STX8: variants seen among roughly 807,000 people sequenced by gnomAD.
STX8 encodes syntaxin 8.
Under a neutral mutation model 37.5 loss-of-function variants are expected in STX8, and 23 were observed. That is an observed-to-expected ratio of 0.61 (90% CI 0.44 to 0.87). The LOEUF is 0.87. Ranked by LOEUF, STX8 falls within the 40% of genes least tolerant of loss-of-function variation. STX8 has a pLI of 0.00. For missense variants in STX8, 313 were observed against 284.7 expected, an observed-to-expected ratio of 1.10 and a Z score of -0.71; for synonymous variants, 115 against 99.1, an observed-to-expected ratio of 1.16 and a Z score of -0.95.
intron 7 of STX8, among the ~76,000 whole-genome samples, chr17:9,297,763 C>G (rs930409211): frequency 6.6e-6 from 1 of 152,094 alleles, no homozygotes; most frequent in Non-Finnish European, 1.5e-5. Context: ...GTAGTCCCAG[C>G]TGCCTGGGAG....
chr17:9,425,479 A>C (rs1203181818), intron 6 of STX8, among the ~76,000 whole-genome samples: 1 of 152,206 alleles, frequency 6.6e-6, no homozygotes, highest in African/African-American at 2.4e-5. Context: ...ACCTGAAGCA[A>C]GGTGGGGGCA....
chr17:9,400,003 T>C (rs562538095), intron 6 of STX8, among the ~76,000 whole-genome samples: 2 of 152,246 alleles, frequency 1.3e-5, no homozygotes, highest in East Asian at 3.9e-4. Context: ...GCCAAATTTA[T>C]GATCCAGTTG....
intron 7 of STX8, among the ~76,000 whole-genome samples, chr17:9,333,804 G>A (rs1039467693): frequency 1.3e-5 from 2 of 152,160 alleles, no homozygotes; most frequent in African/African-American, 4.8e-5. Flanking sequence ...GGAAGACATA[G>A]AAATTTTTCA....
At chr17:9,345,341 G>A (rs1489361865) in intron 7 of STX8, among the ~76,000 whole-genome samples, 1 of 151,960 alleles carries the variant, frequency 6.6e-6, no homozygotes, top group Non-Finnish European at 1.5e-5. Flanking sequence ...TTAGAGACAG[G>A]GTTTCACCAC....
intron 6 of STX8, among the ~76,000 whole-genome samples, chr17:9,417,182 A>G (rs1913231382): frequency 1.3e-5 from 2 of 152,182 alleles, no homozygotes; most frequent in Admixed American, 1.3e-4. Context: ...CTGCTTGGTT[A>G]GCTCTGCATT....
intron 5 of STX8, among the ~76,000 whole-genome samples, chr17:9,501,070 C>T (rs7218867): frequency 0.71 from 108,021 of 151,534 alleles, 38,735 homozygotes; most frequent in Middle Eastern, 0.85. Flanking sequence ...ATATAAGACA[C>T]GTATAGCAAA....
intron 7 of STX8, among the ~76,000 whole-genome samples, chr17:9,301,723 T>C (rs866055824): frequency 6.6e-6 from 1 of 151,818 alleles, no homozygotes; most frequent in South Asian, 2.1e-4. Context: ...TGATCTGACC[T>C]CGTGATCCGT....
intron 7 of STX8, among the ~76,000 whole-genome samples, chr17:9,288,477 C>T (rs1169510432): frequency 2.0e-5 from 3 of 151,468 alleles, no homozygotes; most frequent in Admixed American, 6.6e-5. Flanking sequence ...CTGGCTAACG[C>T]GGTGAAACCC....
At chr17:9,503,911 C>T (rs7215611) in intron 5 of STX8, among the ~76,000 whole-genome samples, 107,638 of 151,372 alleles carry the variant, frequency 0.71, 38,495 homozygotes, top group Middle Eastern at 0.85. Flanking sequence ...ACTACAGGTG[C>T]GTGCCACCAC....
chr17:9,465,514 T>C (rs1905571545), intron 6 of STX8, among the ~76,000 whole-genome samples: 1 of 152,146 alleles, frequency 6.6e-6, no homozygotes. Context: ...AGGGATGAAT[T>C]GTGCGTGGTG....
chr17:9,499,468 G>A (rs563266256), intron 5 of STX8, among the ~76,000 whole-genome samples: 3 of 152,066 alleles, frequency 2.0e-5, no homozygotes, highest in Admixed American at 6.6e-5. Flanking sequence ...GCACAATCTC[G>A]GCTCACTGCA....
At chr17:9,280,961 T>C (rs1042147883) in intron 7 of STX8, among the ~76,000 whole-genome samples, 4 of 152,216 alleles carry the variant, frequency 2.6e-5, no homozygotes, top group Non-Finnish European at 5.9e-5. Context: ...TGTGTGTCTA[T>C]GTGTGTGGGC....
chr17:9,343,849 GA>G (rs1910450163), intron 7 of STX8, among the ~76,000 whole-genome samples: 1 of 152,088 alleles, frequency 6.6e-6, no homozygotes, highest in Admixed American at 6.6e-5. Context: ...TCTTTGATGA[GA>G]AATATTAATT....
chr17:9,569,346 T>C (rs1907590006), intron 1 of STX8, among the ~76,000 whole-genome samples: 1 of 151,490 alleles, frequency 6.6e-6, no homozygotes, highest in Non-Finnish European at 1.5e-5. Flanking sequence ...GGACAGAGAG[T>C]GATAAGGAGC....
At chr17:9,387,366 GCTCAC>G (rs1401951345) in intron 6 of STX8, among the ~76,000 whole-genome samples, 3 of 152,050 alleles carry the variant, frequency 2.0e-5, no homozygotes, top group Non-Finnish European at 4.4e-5. Flanking sequence ...CACGATCTCG[GCTCAC>G]TGCAAGCTCC....
At chr17:9,365,025 T>C (rs1179807101) in intron 7 of STX8, among the ~76,000 whole-genome samples, 1 of 151,724 alleles carries the variant, frequency 6.6e-6, no homozygotes, top group Non-Finnish European at 1.5e-5. Context: ...GAAGAGAAAG[T>C]GATGAGGAGA....
In STX8 at chr17:9,480,244, G is replaced by C. The variant is rs77058780; in HGVS notation, c.541+11585C>G. On this transcript the variant is annotated intron_variant, in intron 6 of 7. Transcript: ENST00000306357. Reference sequence around the variant, plus strand: ...ACATGTATATGTGGATTCTGGCACAGTGCTTAGCACATAATAGGAGTTCAA... The same window carrying C: ...ACATGTATATGTGGATTCTGGCACACTGCTTAGCACATAATAGGAGTTCAA... 5.6e-3 allele frequency among the ~76,000 whole-genome samples: 847 copies of C among 152,290 alleles called. 9 individuals are homozygous for C. The highest frequency in any genetic ancestry group is 0.019 in the African/African-American group (802 of 41,556).
rs1491194384 is a variant in STX8, at chr17:9,304,916, A to AAG, written c.644-54272_644-54271insCT. On this transcript the variant is annotated intron_variant, in intron 7 of 7. Coordinates refer to ENST00000306357, the MANE Select transcript of STX8 (RefSeq NM_004853.3). Reference sequence around the variant, plus strand: ...ATATGCTACCTTTCATATATGGGCGAAAAAAAAAATATGTATATATATATA... The same window carrying AAG: ...ATATGCTACCTTTCATATATGGGCGAAGAAAAAAAAATATGTATATATATATA... Among the ~76,000 whole-genome samples the AAG allele has an allele frequency of 1.4e-3, 178 of 124,802 alleles. 1 individual carries two copies. The highest frequency in any genetic ancestry group is 7.8e-3 in the African/African-American group (167 of 21,522). The allele number at this position is 124,802 out of a possible 152,430, so 81.9% of individuals were successfully genotyped here. A position where few individuals can be genotyped will look rare whatever the true frequency, so the allele number is the denominator to read the frequency against.
rs1410656362 is a variant in STX8, at chr17:9,444,165, C to CTCTCTT, written c.541+47663_541+47664insAAGAGA. 5.7e-5 allele frequency among the ~76,000 whole-genome samples: 8 copies of CTCTCTT among 139,754 alleles called. No homozygotes were observed. In the East Asian group the frequency reaches 1.4e-3, roughly 24 times the overall value. 91.7% of individuals were successfully genotyped at this position (139,754 alleles called of 152,430 possible). A position where few individuals can be genotyped will look rare whatever the true frequency, so the allele number is the denominator to read the frequency against. On this transcript the variant is annotated intron_variant, in intron 6 of 7. Coordinates refer to ENST00000306357, the MANE Select transcript of STX8 (RefSeq NM_004853.3). ...TTCTTCTCTCTTTCTCTCTCTCTCT[C>CTCTCTT]CTTTATAGAGACAGAGTCTTGCTAT...
Sources: allele counts gnomAD v4.1 joint callset (sites outside exome capture counted in the v4.1 genomes callset), GRCh38; gene constraint gnomAD v4.1.1; transcripts MANE v1.5; gene names NCBI Gene and HGNC (gene_info 2026-07-23, HGNC 2026-07-21).